The following MAST2 variants were observed in gnomAD, a reference collection of about 807,000 sequenced individuals.
MAST2 encodes microtubule associated serine/threonine kinase 2.
MAST2 carries 70 observed loss-of-function variants against 147.4 expected under a neutral mutation model. The ratio of observed to expected loss-of-function variants is 0.47; its 90% confidence interval spans 0.39 to 0.58. The LOEUF (loss-of-function observed/expected upper bound fraction) is 0.58. MAST2 is among the 20% of genes least tolerant of loss of function. MAST2 has a pLI of 0.00. For synonymous variants in MAST2, 869 were observed against 896.8 expected, an observed-to-expected ratio of 0.97 and a Z score of 0.55; for missense variants, 2,080 against 2,302.3, an observed-to-expected ratio of 0.90 and a Z score of 1.98.
chr1:45,893,600 A>T (rs370190850), intron 4 of MAST2, among the ~76,000 whole-genome samples: 32 of 69,896 alleles, frequency 4.6e-4, no homozygotes, highest in East Asian at 2.6e-3. Context: ...AGGATATTTT[A>T]AAAAAAAAAA....
At chr1:45,938,484 C>A (rs1273132849) in intron 4 of MAST2, among the ~76,000 whole-genome samples, 1 of 152,016 alleles carries the variant, frequency 6.6e-6, no homozygotes, top group Non-Finnish European at 1.5e-5. Flanking sequence ...CCACCATACC[C>A]AGCTAATTAT....
chr1:46,030,476 G>A, intron 21 of MAST2, 131 bp from the exon 22 acceptor site: 1 of 1,092,744 alleles, frequency 9.2e-7, no homozygotes, highest in Non-Finnish European at 1.3e-6. Context: ...CAAATATTCA[G>A]CAGGGGTGTG....
intron 2 of MAST2, among the ~76,000 whole-genome samples, chr1:45,828,263 T>C (rs754213444): frequency 2.0e-5 from 3 of 152,222 alleles, no homozygotes; most frequent in Admixed American, 6.5e-5. Flanking sequence ...CCAAGCCCTT[T>C]CTTAACATCT....
At chr1:45,847,878 T>C (rs1268942365) in intron 3 of MAST2, among the ~76,000 whole-genome samples, 1 of 152,224 alleles carries the variant, frequency 6.6e-6, no homozygotes, top group East Asian at 1.9e-4. Flanking sequence ...TTGTCATGTG[T>C]TGCTTCGCAC....
intron 5 of MAST2, among the ~76,000 whole-genome samples, chr1:45,973,783 A>C (rs1454637954): frequency 6.6e-6 from 1 of 152,208 alleles, no homozygotes; most frequent in Non-Finnish European, 1.5e-5. Flanking sequence ...GCATGTGATC[A>C]CCTGAGCCAA....
intron 4 of MAST2, among the ~76,000 whole-genome samples, chr1:45,933,239 G>A (rs1028456304): frequency 2.2e-5 from 3 of 134,900 alleles, no homozygotes; most frequent in Non-Finnish European, 3.2e-5. Context: ...AAAAAAAAGC[G>A]GGGGGGTTGG....
chr1:45,842,321 A>G (rs918499917), intron 3 of MAST2, among the ~76,000 whole-genome samples: 2 of 152,224 alleles, frequency 1.3e-5, no homozygotes, highest in African/African-American at 4.8e-5. Context: ...TATGAAATTT[A>G]CATAACAAAA....
At chr1:45,825,080 C>T in intron 2 of MAST2, among the ~76,000 whole-genome samples, 1 of 151,848 alleles carries the variant, frequency 6.6e-6, no homozygotes, top group Non-Finnish European at 1.5e-5. Context: ...GGCTGGAGTG[C>T]AGTGGTGTGA....
intron 3 of MAST2, among the ~76,000 whole-genome samples, chr1:45,869,557 A>G (rs1646294587): frequency 6.6e-6 from 1 of 152,138 alleles, no homozygotes; most frequent in Non-Finnish European, 1.5e-5. Context: ...CTTTTGTTTT[A>G]TCCTCTGCTG....
intron 26 of MAST2, 38 bp from the exon 27 acceptor site, chr1:46,033,764 G>C: frequency 1.9e-6 from 3 of 1,602,346 alleles, no homozygotes; most frequent in Non-Finnish European, 2.6e-6. Flanking sequence ...CAAGAATATG[G>C]CTCCAGCTTA....
In MAST2 at chr1:46,006,224, A is replaced by G. The variant is rs747147154; in HGVS notation, c.748-17A>G. 6.2e-7 allele frequency: 1 copy of G among 1,605,778 alleles called. No individual in the cohort carries two copies. The highest frequency in any genetic ancestry group is 8.5e-7 in the Non-Finnish European group (1 of 1,174,848). On this transcript the variant is annotated splice_polypyrimidine_tract_variant and intron_variant, in intron 7 of 28. Transcript: ENST00000361297. ...GGACATGTCTTTAATGCCACTTCTT[A>G]ATGTTTTCCCCTCTAGTCATCATGC... is the stretch of plus-strand genomic sequence containing the variant.
At chr1:45,928,357 T>A (rs1654737323) in intron 4 of MAST2, among the ~76,000 whole-genome samples, 1 of 152,222 alleles carries the variant, frequency 6.6e-6, no homozygotes, top group African/African-American at 2.4e-5. Context: ...CAGTTTATGT[T>A]CAAATTTTTT....
chr1:45,946,650 A>C (rs1449454182), intron 4 of MAST2, among the ~76,000 whole-genome samples: 1 of 152,116 alleles, frequency 6.6e-6, no homozygotes, highest in African/African-American at 2.4e-5. Context: ...CTTCCTTTGC[A>C]TTGCTGGTGG....
chr1:46,027,428 A>G (rs1179495758), intron 16 of MAST2, among the ~76,000 whole-genome samples: 3 of 152,238 alleles, frequency 2.0e-5, no homozygotes, highest in African/African-American at 7.2e-5. Context: ...GCTCTGTAGA[A>G]GAAACTCTGT....
chr1:45,974,538 A>G (rs1644056138), intron 5 of MAST2, among the ~76,000 whole-genome samples: 1 of 152,192 alleles, frequency 6.6e-6, no homozygotes, highest in South Asian at 2.1e-4. Flanking sequence ...TCGAGGCTGC[A>G]GTGAGCTGTG....
At position 46,030,871 on chromosome 1, in the gene MAST2, C is replaced by T. The variant is rs1030754040; in HGVS notation, c.2708+110C>T. On this transcript the variant is annotated intron_variant, in intron 22 of 28. Transcript: ENST00000361297. ...AGGAGTGCAGGTGGCAGGGAGGGGGCATTCACAAGGGTGGCTCCTGGAGGA... is the reference window on the plus strand; with the variant it reads ...AGGAGTGCAGGTGGCAGGGAGGGGGTATTCACAAGGGTGGCTCCTGGAGGA... 2.7e-6 allele frequency: 4 copies of T among 1,465,624 alleles called. No individual in the cohort carries two copies. The South Asian group carries it at 4.2e-5, about 15-fold the overall frequency. 90.8% of individuals were successfully genotyped at this position (1,465,624 alleles called of 1,614,324 possible).
chr1:45,986,072 T>A (rs1299758695), intron 5 of MAST2, among the ~76,000 whole-genome samples: 2 of 152,206 alleles, frequency 1.3e-5, no homozygotes, highest in Non-Finnish European at 2.9e-5. Flanking sequence ...CCAGTATAAT[T>A]TTGAATAGAA....
At chr1:45,958,529 T>C (rs1249049128) in intron 4 of MAST2, among the ~76,000 whole-genome samples, 1 of 149,036 alleles carries the variant, frequency 6.7e-6, no homozygotes. Context: ...TCTCTCTCTC[T>C]CTCCCTCTAT....
chr1:45,903,095 A>G (rs1349111072), intron 4 of MAST2, among the ~76,000 whole-genome samples: 1 of 112,558 alleles, frequency 8.9e-6, no homozygotes, highest in African/African-American at 3.4e-5. Flanking sequence ...TTTCTTTTTG[A>G]TGTTAAGCAT....
Sources: allele counts gnomAD v4.1 joint callset (sites outside exome capture counted in the v4.1 genomes callset), GRCh38; gene constraint gnomAD v4.1.1; transcripts MANE v1.5; gene names NCBI Gene and HGNC (gene_info 2026-07-23, HGNC 2026-07-21).